IL1RAPL1: variants seen among roughly 807,000 people sequenced by gnomAD.
IL1RAPL1 encodes interleukin-1 receptor accessory protein-like 1.
IL1RAPL1 carries 3 observed loss-of-function variants against 48.4 expected under a neutral mutation model. The ratio of observed to expected loss-of-function variants is 0.06; its 90% CI spans 0.03 to 0.16. IL1RAPL1 has a LOEUF of 0.16. Among genes scored for constraint, IL1RAPL1 ranks in the 10% least tolerant of loss-of-function variants. The pLI is 1.00. For missense variants in IL1RAPL1, 349 were observed against 530.6 expected, an observed-to-expected ratio of 0.66 and a Z score of 3.36; for synonymous variants, 185 against 187.7, an observed-to-expected ratio of 0.99 and a Z score of 0.12.
intron 1 of IL1RAPL1, among the ~76,000 whole-genome samples, chrX:28,725,853 C>A (rs1935668436): frequency 8.9e-6 from 1 of 112,008 alleles, no homozygotes. Context: ...CCTTGTAACA[C>A]TTTTAAGAGC....
chrX:28,994,710 G>C (rs1297002488), intron 2 of IL1RAPL1, among the ~76,000 whole-genome samples: 1 of 111,793 alleles, frequency 8.9e-6, no homozygotes, highest in East Asian at 2.8e-4. Flanking sequence ...CTCAATTCTC[G>C]TGAGAATTTG....
chrX:29,480,749 C>T (rs1201653347), intron 5 of IL1RAPL1, among the ~76,000 whole-genome samples: 4 of 110,418 alleles, frequency 3.6e-5, no homozygotes, highest in African/African-American at 1.3e-4. Context: ...TCCTTTTTTC[C>T]ATTTTTTCAT....
At chrX:28,914,371 T>C (rs1923434902) in intron 2 of IL1RAPL1, among the ~76,000 whole-genome samples, 1 of 111,822 alleles carries the variant, frequency 8.9e-6, no homozygotes, top group South Asian at 3.7e-4. Flanking sequence ...ATGTTCATCA[T>C]ATAGCCATCT....
At chrX:29,934,003 A>G (rs1205081549) in intron 8 of IL1RAPL1, among the ~76,000 whole-genome samples, 1 of 110,724 alleles carries the variant, frequency 9.0e-6, no homozygotes, top group East Asian at 2.8e-4. Context: ...ACAATGTAAA[A>G]CAATAAACAA....
intron 6 of IL1RAPL1, among the ~76,000 whole-genome samples, chrX:29,819,937 A>G (rs1371245862): frequency 1.9e-5 from 2 of 105,077 alleles, no homozygotes; most frequent in Admixed American, 2.2e-4. Flanking sequence ...GTGTCCACTA[A>G]TACAGTTAAA....
intron 3 of IL1RAPL1, among the ~76,000 whole-genome samples, chrX:29,322,841 C>T (rs1332628432): frequency 9.0e-6 from 1 of 111,540 alleles, no homozygotes; most frequent in Non-Finnish European, 1.9e-5. Context: ...TCAGTGTTGT[C>T]TGAACTCATC....
intron 2 of IL1RAPL1, among the ~76,000 whole-genome samples, chrX:28,896,394 G>A (rs1922919164): frequency 2.7e-5 from 3 of 111,764 alleles, no homozygotes; most frequent in African/African-American, 6.5e-5. Flanking sequence ...GGTTGCTGCC[G>A]AATGAGCCAT....
At chrX:29,218,763 C>A (rs185937991) in intron 2 of IL1RAPL1, among the ~76,000 whole-genome samples, 1 of 112,077 alleles carries the variant, frequency 8.9e-6, no homozygotes, top group Non-Finnish European at 1.9e-5. Flanking sequence ...TTAAGGAATG[C>A]TGTGATTTAG....
At chrX:28,907,118 A>G (rs1232100773) in intron 2 of IL1RAPL1, among the ~76,000 whole-genome samples, 1 of 110,998 alleles carries the variant, frequency 9.0e-6, no homozygotes, top group East Asian at 2.8e-4. Flanking sequence ...TTTTATTCCA[A>G]ATTTTCTGAC....
At position 29,476,872 on chromosome X, in the gene IL1RAPL1, C is replaced by CTTTTTTTTTTTT. The variant is rs1198120274; in HGVS notation, c.703+77572_703+77583dup. 2.1e-3 allele frequency among the ~76,000 whole-genome samples: 113 copies of CTTTTTTTTTTTT among 53,892 alleles called. 32 individuals carry two copies. The highest frequency in any genetic ancestry group is 7.5e-3 in the African/African-American group (55 of 7,324). 46.8% of individuals were successfully genotyped at this position (53,892 alleles called of 115,157 possible). ...GACTCATTTACTTTTTACCCATATT[C>CTTTTTTTTTTTT]TTTTTTTTTTTTTTTTTTTGAGACG... On this transcript the variant is annotated intron_variant, in intron 5 of 10. Transcript: ENST00000378993.
rs766332398 is a variant in IL1RAPL1 at position 28,738,987 on chromosome X, A to C, written c.-24-50333A>C. On this transcript the variant is annotated intron_variant, in intron 1 of 10. Transcript: ENST00000378993. ...ATGCATGTCCCATCTTGTAGTCTCAATTTAATACCCTTTGGTGACACTCCA... is the reference window on the plus strand; with the variant it reads ...ATGCATGTCCCATCTTGTAGTCTCACTTTAATACCCTTTGGTGACACTCCA... 1.3e-3 allele frequency among the ~76,000 whole-genome samples: 143 copies of C among 110,847 alleles called. 1 individual carries two copies. The highest frequency in any genetic ancestry group is 2.7e-3 in the Admixed American group (28 of 10,364).
At chrX:29,579,089 T>C (rs1300088785) in intron 5 of IL1RAPL1, among the ~76,000 whole-genome samples, 1 of 111,705 alleles carries the variant, frequency 9.0e-6, no homozygotes, top group Admixed American at 9.5e-5. Flanking sequence ...ATTTACATGA[T>C]GGAAACAGTT....
intron 2 of IL1RAPL1, among the ~76,000 whole-genome samples, chrX:29,070,945 A>G (rs1016715433): frequency 3.0e-4 from 33 of 111,641 alleles, no homozygotes; most frequent in African/African-American, 1.0e-3. Flanking sequence ...AGAATTCTAT[A>G]CAGAATATTA....
chrX:29,031,592 A>G (rs1296084218), intron 2 of IL1RAPL1, among the ~76,000 whole-genome samples: 1 of 112,171 alleles, frequency 8.9e-6, no homozygotes, highest in African/African-American at 3.2e-5. Flanking sequence ...AGTTTGCATC[A>G]AAAGTACAGA....
At chrX:29,284,532 G>A (rs190032918) in intron 3 of IL1RAPL1, among the ~76,000 whole-genome samples, 131 of 111,616 alleles carry the variant, frequency 1.2e-3, no homozygotes, top group African/African-American at 2.8e-3. Context: ...CACTTTAGGC[G>A]AGGAGTTCGA....
At chrX:28,631,069 A>AGAAG (rs1180547923) in intron 1 of IL1RAPL1, among the ~76,000 whole-genome samples, 1 of 111,903 alleles carries the variant, frequency 8.9e-6, no homozygotes, top group Non-Finnish European at 1.9e-5. Context: ...TGAGAGAAAC[A>AGAAG]GAAGGAAGGA....
intron 3 of IL1RAPL1, among the ~76,000 whole-genome samples, chrX:29,341,192 C>T (rs1933069049): frequency 9.3e-6 from 1 of 107,590 alleles, no homozygotes; most frequent in Non-Finnish European, 1.9e-5. Context: ...ACCATTATAA[C>T]TCCATCTTAA....
chrX:29,860,380 C>A (rs996297845), intron 6 of IL1RAPL1, among the ~76,000 whole-genome samples: 5 of 111,369 alleles, frequency 4.5e-5, no homozygotes, highest in Non-Finnish European at 9.4e-5. Context: ...TTTTATTATA[C>A]TTGAAGTTCT....
At chrX:29,151,356 G>C (rs1228557496) in intron 2 of IL1RAPL1, among the ~76,000 whole-genome samples, 1 of 111,975 alleles carries the variant, frequency 8.9e-6, no homozygotes, top group East Asian at 2.8e-4. Context: ...TGCTGCTTCT[G>C]TGTAGTTTTG....
Sources: allele counts gnomAD v4.1 joint callset (sites outside exome capture counted in the v4.1 genomes callset), GRCh38; gene constraint gnomAD v4.1.1; transcripts MANE v1.5; gene names NCBI Gene and HGNC (gene_info 2026-07-23, HGNC 2026-07-21).